The following CFDP1 variants were observed in gnomAD, a reference collection of about 807,000 sequenced individuals.
CFDP1 encodes the protein chromatin remodeling protein CFDP1, also known as heterochromatin-stabilizing protein CFDP1.
CFDP1 carries 31 observed loss-of-function variants against 40.1 expected under a neutral mutation model. The ratio of observed to expected loss-of-function variants is 0.77; its 90% CI spans 0.58 to 1.04. The LOEUF is 1.04. CFDP1 is among the 50% of genes least tolerant of loss of function. CFDP1 has a pLI of 0.00. For missense variants in CFDP1, 423 were observed against 343.4 expected (o/e 1.23, Z -1.83); for synonymous variants, 167 against 120.0 (o/e 1.39, Z -2.56).
intron 5 of CFDP1, among the ~76,000 whole-genome samples, chr16:75,376,224 C>A (rs1225833940): frequency 1.3e-5 from 2 of 152,120 alleles, no homozygotes; most frequent in African/African-American, 4.8e-5. Flanking sequence ...AAAACCAAAT[C>A]AAAACCAAAA....
At chr16:75,346,714 T>A (rs2078568683) in intron 5 of CFDP1, among the ~76,000 whole-genome samples, 1 of 92,246 alleles carries the variant, frequency 1.1e-5, no homozygotes, top group Admixed American at 1.4e-4. Context: ...TCTAAAATCT[T>A]CCACTCAAAA....
chr16:75,370,224 CT>C (rs1022001613), intron 5 of CFDP1, among the ~76,000 whole-genome samples: 1 of 151,866 alleles, frequency 6.6e-6, no homozygotes, highest in Non-Finnish European at 1.5e-5. Flanking sequence ...TCCCAAGTAA[CT>C]GGGATTACAG....
intron 5 of CFDP1, among the ~76,000 whole-genome samples, chr16:75,352,556 G>A (rs530957487): frequency 1.2e-4 from 18 of 152,068 alleles, no homozygotes; most frequent in Admixed American, 9.8e-4. Context: ...AATCATAAGT[G>A]TATCTCTATC....
intron 6 of CFDP1, among the ~76,000 whole-genome samples, chr16:75,294,801 T>C (rs2078170557): frequency 6.6e-6 from 1 of 152,110 alleles, no homozygotes; most frequent in South Asian, 2.1e-4. Context: ...CCTTGAAAGG[T>C]GGACACTCTG....
intron 6 of CFDP1, among the ~76,000 whole-genome samples, chr16:75,304,258 G>C (rs535719659): frequency 5.9e-5 from 9 of 152,026 alleles, no homozygotes; most frequent in Non-Finnish European, 1.2e-4. Context: ...TAGTAGGATG[G>C]GGTTTTGCCA....
chr16:75,328,019 A>G (rs1308657168), intron 5 of CFDP1, among the ~76,000 whole-genome samples: 3 of 151,638 alleles, frequency 2.0e-5, no homozygotes, highest in African/African-American at 7.3e-5. Flanking sequence ...CGTATGCCAC[A>G]GCACCCGGCA....
At chr16:75,382,210 T>C (rs958868800) in intron 5 of CFDP1, among the ~76,000 whole-genome samples, 2 of 151,894 alleles carry the variant, frequency 1.3e-5, no homozygotes, top group Admixed American at 6.6e-5. Flanking sequence ...TGACATACTA[T>C]ATTGGGATAG....
At chr16:75,312,987 C>A (rs749119847) in intron 5 of CFDP1, among the ~76,000 whole-genome samples, 5 of 152,316 alleles carry the variant, frequency 3.3e-5, no homozygotes, top group Non-Finnish European at 5.9e-5. Flanking sequence ...GACAAGCTAA[C>A]TGACCTGCTG....
At chr16:75,340,385 G>T (rs2078518712) in intron 5 of CFDP1, among the ~76,000 whole-genome samples, 1 of 152,180 alleles carries the variant, frequency 6.6e-6, no homozygotes, top group Admixed American at 6.5e-5. Flanking sequence ...GCTACAGACA[G>T]GATCTGCTCC....
intron 5 of CFDP1, among the ~76,000 whole-genome samples, chr16:75,369,336 C>A (rs1448594586): frequency 6.6e-6 from 1 of 151,864 alleles, no homozygotes; most frequent in Non-Finnish European, 1.5e-5. Context: ...ATTGCTTGAG[C>A]CCAGGAGTTC....
chr16:75,333,998 A>G (rs1455698767), intron 5 of CFDP1, among the ~76,000 whole-genome samples: 1 of 152,158 alleles, frequency 6.6e-6, no homozygotes, highest in Non-Finnish European at 1.5e-5. Flanking sequence ...CACATTTTCT[A>G]CTTCAGTGAC....
intron 5 of CFDP1, among the ~76,000 whole-genome samples, chr16:75,363,858 G>A (rs1032334170): frequency 3.3e-5 from 5 of 151,652 alleles, no homozygotes. Context: ...TATGAACCAA[G>A]TACTGAACTG....
In CFDP1 at chr16:75,400,058, GC is replaced by G. The variant is rs376918997; in HGVS notation, c.531-4850del. On this transcript the variant is annotated intron_variant, in intron 4 of 6. Transcript: ENST00000283882. ...GGAGGTTGCGGTGAGCCGAGATCGTGCCATTGCACTCCAGCCTGGGCAACAA... is the reference window on the plus strand; with the variant it reads ...GGAGGTTGCGGTGAGCCGAGATCGTGCATTGCACTCCAGCCTGGGCAACAA... 6.6e-3 allele frequency among the ~76,000 whole-genome samples: 914 copies of G among 139,004 alleles called. 8 individuals are homozygous for G. The highest frequency in any genetic ancestry group is 0.025 in the Middle Eastern group (5 of 202). The allele number at this position is 139,004 out of a possible 152,430, so 91.2% of individuals were successfully genotyped here.
At chr16:75,380,601 G>A (rs969870148) in intron 5 of CFDP1, among the ~76,000 whole-genome samples, 2 of 152,240 alleles carry the variant, frequency 1.3e-5, no homozygotes, top group Middle Eastern at 3.4e-3. Context: ...AGAGAAGAAA[G>A]TGTATCTAAG....
intron 5 of CFDP1, among the ~76,000 whole-genome samples, chr16:75,379,366 A>T (rs1480136072): frequency 6.6e-6 from 1 of 152,148 alleles, no homozygotes; most frequent in Non-Finnish European, 1.5e-5. Flanking sequence ...GAGAAGGCAC[A>T]AATTACCAAT....
chr16:75,419,679 C>A (rs916444615), intron 1 of CFDP1, among the ~76,000 whole-genome samples: 11 of 152,136 alleles, frequency 7.2e-5, no homozygotes, highest in African/African-American at 2.4e-4. Context: ...GTCATAAAGA[C>A]CTTGCTGATA....
chr16:75,358,909 T>A (rs773628780), intron 5 of CFDP1, among the ~76,000 whole-genome samples: 35 of 152,308 alleles, frequency 2.3e-4, no homozygotes, highest in Admixed American at 7.2e-4. Context: ...TCAGTCAACG[T>A]TAGAAGAGCT....
intron 4 of CFDP1, among the ~76,000 whole-genome samples, chr16:75,403,927 T>C (rs2079076984): frequency 6.6e-6 from 1 of 151,674 alleles, no homozygotes; most frequent in Non-Finnish European, 1.5e-5. Flanking sequence ...AGGTCAGGAG[T>C]TGGAGACCAG....
intron 5 of CFDP1, among the ~76,000 whole-genome samples, chr16:75,344,763 C>A (rs2078550533): frequency 6.6e-6 from 1 of 151,850 alleles, no homozygotes; most frequent in Admixed American, 6.6e-5. Flanking sequence ...GAAACCTTGT[C>A]TCTACTAAAA....
Sources: allele counts gnomAD v4.1 joint callset (sites outside exome capture counted in the v4.1 genomes callset), GRCh38; gene constraint gnomAD v4.1.1; transcripts MANE v1.5; gene names NCBI Gene and HGNC (gene_info 2026-07-23, HGNC 2026-07-21).